Variants in PCYT1A observed in about 807,000 individuals in gnomAD.
PCYT1A encodes phosphate cytidylyltransferase 1A, choline, also known as choline-phosphate cytidylyltransferase A.
Under a neutral mutation model 43.7 loss-of-function variants are expected in PCYT1A, and 25 were observed. The observed-to-expected ratio is 0.57, with a 90% CI of 0.42 to 0.80. PCYT1A has a LOEUF of 0.80. Ranked by LOEUF, PCYT1A falls within the 30% of genes least tolerant of loss-of-function variation. The pLI is 0.00. For missense variants in PCYT1A, 421 were observed against 474.2 expected, an observed-to-expected ratio of 0.89 and a Z score of 1.04; for synonymous variants, 172 against 170.7, an observed-to-expected ratio of 1.01 and a Z score of -0.06.
chr3:196,246,404 T>TC (rs900595080), intron 5 of PCYT1A, among the ~76,000 whole-genome samples: 1 of 151,862 alleles, frequency 6.6e-6, no homozygotes, highest in African/African-American at 2.4e-5. Context: ...CCTGTGGCTT[T>TC]TTTTTTTTTA....
At chr3:196,258,142 C>T (rs1193339037) in intron 2 of PCYT1A, among the ~76,000 whole-genome samples, 2 of 151,846 alleles carry the variant, frequency 1.3e-5, no homozygotes, top group African/African-American at 4.8e-5. Context: ...GAAAATTAGC[C>T]TGGTGTGGTG....
intron 1 of PCYT1A, among the ~76,000 whole-genome samples, chr3:196,275,741 G>GAA (rs200596797): frequency 7.1e-5 from 10 of 140,388 alleles, no homozygotes; most frequent in East Asian, 6.0e-4. Flanking sequence ...CAACAAAAAA[G>GAA]AAAAAAAAAA....
chr3:196,244,263 G>A (rs545448953), intron 5 of PCYT1A, among the ~76,000 whole-genome samples: 1,717 of 142,050 alleles, frequency 0.012, 23 homozygotes, highest in African/African-American at 0.044. Flanking sequence ...CTGCCTGGCC[G>A]CCCATCGTCT....
intron 1 of PCYT1A, among the ~76,000 whole-genome samples, chr3:196,284,798 A>C (rs1725859736): frequency 6.6e-6 from 1 of 152,248 alleles, no homozygotes; most frequent in South Asian, 2.1e-4. Context: ...TTCAGCAAAG[A>C]AAAAAGACCC....
At chr3:196,243,868 T>G (rs1724452558) in intron 5 of PCYT1A, among the ~76,000 whole-genome samples, 1 of 152,234 alleles carries the variant, frequency 6.6e-6, no homozygotes. Flanking sequence ...TGCAGTGGCG[T>G]GATCTCGGCT....
At position 196,242,246 on chromosome 3, in the gene PCYT1A, T is replaced by C; in HGVS notation, c.566-156A>G. On this transcript the variant is annotated intron_variant, in intron 6 of 8. Transcript: ENST00000431016. The surrounding 1 kb of genome is among the most constrained non-coding windows in gnomAD (Gnocchi z 4.2). ...CTGAAAGATACTGATATACAGAAGG[T>C]AGACCGAATCAAAGGCCAGAGGTAA... The C allele has an allele frequency of 1.4e-6, 1 of 731,304 alleles. No individual in the cohort carries two copies. The highest frequency in any genetic ancestry group is 2.4e-5 in the Admixed American group (1 of 41,558). The allele number at this position is 731,304 out of a possible 1,614,324, so 45.3% of individuals were successfully genotyped here.
At chr3:196,241,746 C>A in intron 7 of PCYT1A, 1 of 1,268,404 alleles carries the variant, frequency 7.9e-7, no homozygotes, top group Non-Finnish European at 1.1e-6. Flanking sequence ...TGGCTTTATA[C>A]GAATGTGTTG....
At chr3:196,284,001 A>G (rs550637899) in intron 1 of PCYT1A, among the ~76,000 whole-genome samples, 22 of 152,352 alleles carry the variant, frequency 1.4e-4, no homozygotes, top group Admixed American at 1.4e-3. Context: ...CCAAGAAAAA[A>G]ATGACTTTTA....
chr3:196,268,532 C>A lies in PCYT1A; in HGVS notation c.117+1883G>T, dbSNP rs928983722. 6.6e-6 allele frequency among the ~76,000 whole-genome samples: 1 copy of A among 152,118 alleles called. No homozygotes were observed. The highest frequency in any genetic ancestry group is 1.5e-5 in the Non-Finnish European group (1 of 68,008). On this transcript the variant is annotated intron_variant, in intron 2 of 8. Coordinates refer to ENST00000431016, the MANE Select transcript of PCYT1A (RefSeq NM_001312673.2). The surrounding 1 kb of genome is among the most constrained non-coding windows in gnomAD (Gnocchi z 4.4). ...GGCACAGTGGCTCACGCCTGGTAAT[C>A]CTAGCACTCTGGGAGGCCGAGATAG...
At chr3:196,251,112 T>C (rs1487017121) in intron 3 of PCYT1A, among the ~76,000 whole-genome samples, 119 of 129,558 alleles carry the variant, frequency 9.2e-4, no homozygotes, top group African/African-American at 3.0e-3. Flanking sequence ...AGGCTGAGGA[T>C]CAGATACACC....
At chr3:196,250,025 A>G (rs1052805552) in intron 3 of PCYT1A, among the ~76,000 whole-genome samples, 26 of 140,536 alleles carry the variant, frequency 1.9e-4, no homozygotes, top group South Asian at 4.7e-4. Flanking sequence ...TGAGGACCAG[A>G]TACACCATGC....
Position 196,236,929 on chromosome 3 carries a change from A to C in PCYT1A, c.*1759T>G, listed in dbSNP as rs527250786. 1.3e-5 allele frequency: 2 copies of C among 152,324 alleles called. No homozygotes were observed. The highest frequency in any genetic ancestry group is 4.1e-4 in the South Asian group (2 of 4,824). The allele number at this position is 152,324 out of a possible 1,614,324, so 9.4% of individuals were successfully genotyped here. A position where few individuals can be genotyped will look rare whatever the true frequency, so the allele number is the denominator to read the frequency against. ...TGATCCACCAGCCTCAGTCTCCCAA[A>C]GTGCTGAGATGACAGGCGTGAGCCA... On this transcript the variant is annotated 3_prime_UTR_variant, in exon 9 of 9. Transcript: ENST00000431016.
At chr3:196,241,818 G>A (rs778355794) in intron 7 of PCYT1A, 130 bp downstream of exon 7, 17 of 1,219,928 alleles carry the variant, frequency 1.4e-5, no homozygotes, top group Admixed American at 1.9e-5. Flanking sequence ...TTAACATAGT[G>A]GTAATTCATT....
chr3:196,241,482 TA>T (rs775585597), intron 7 of PCYT1A: 62 of 1,284,108 alleles, frequency 4.8e-5, no homozygotes, highest in Non-Finnish European at 6.1e-5. Flanking sequence ...CCCAGAAAAA[TA>T]TATAGAGTTT....
rs957398600 is a variant in PCYT1A, at chr3:196,240,917, T to C, written c.708+1031A>G. 2.0e-5 allele frequency: 3 copies of C among 152,128 alleles called. No homozygotes were observed. In the East Asian group the frequency reaches 5.8e-4, roughly 29 times the overall value. The allele number at this position is 152,128 out of a possible 1,614,324, so 9.4% of individuals were successfully genotyped here. On this transcript the variant is annotated intron_variant, in intron 7 of 8. Transcript: ENST00000431016. The stretch of plus-strand genomic sequence containing the variant: ...GATGGGAGTAGGTCAGGGAGCATGG[T>C]AAACTGGTTATGTAGAAGACATTAA...
intron 2 of PCYT1A, chr3:196,267,360 G>C (rs1233879905): frequency 6.6e-6 from 3 of 455,418 alleles, no homozygotes; most frequent in Non-Finnish European, 1.3e-5. Context: ...CCAGAGGCTG[G>C]AGAGACTGGG....
intron 1 of PCYT1A, among the ~76,000 whole-genome samples, chr3:196,280,570 G>GTTTTTTTTTTTTTTTTTTTTT: frequency 2.8e-4 from 26 of 91,340 alleles, no homozygotes; most frequent in East Asian, 9.6e-4. Context: ...TATTTTTATT[G>GTTTTTTTTTTTTTTTTTTTTT]TTTTTTTTTT....
In PCYT1A at chr3:196,268,785, A is replaced by G. The variant is rs2108777111; in HGVS notation, c.117+1630T>C. Among the ~76,000 whole-genome samples the G allele has an allele frequency of 6.6e-6, 1 of 152,252 alleles. No individual in the cohort carries two copies. Among genetic ancestry groups the G allele is most frequent in the South Asian group, 2.1e-4 (1 of 4,826 alleles). On this transcript the variant is annotated intron_variant, in intron 2 of 8. Transcript: ENST00000431016. The surrounding 1 kb of genome is among the most constrained non-coding windows in gnomAD (Gnocchi z 4.4). ...ACTCCAGCCTGGGTGACAAAGCGAG[A>G]CTCTGTCTCAAAAATACAAATAAAA... is the stretch of plus-strand genomic sequence containing the variant.
Position 196,257,874 on chromosome 3 carries a change from G to A in PCYT1A, c.131C>T (p.Pro44Leu). ...TTCAATTTCATCAGAAAAAGGAGCTGGTTGCCGTAAGCCCTTAAGAAATGG... is the reference window on the plus strand; with the variant it reads ...TTCAATTTCATCAGAAAAAGGAGCTAGTTGCCGTAAGCCCTTAAGAAATGG... ...VQRCAVGLRQ[P>L]APFSDEIEVD... Residue 44 changes from proline to leucine, a missense_variant, in exon 3 of 9, where the codon CCA becomes CTA. Physicochemically the swap from Pro to Leu is moderately conservative, Grantham distance 98. Coordinates refer to ENST00000431016, the MANE Select transcript of PCYT1A (RefSeq NM_001312673.2). The A allele has an allele frequency of 1.2e-6, 2 of 1,611,848 alleles. No homozygotes were observed. Among genetic ancestry groups the A allele is most frequent in the Non-Finnish European group, 1.7e-6 (2 of 1,178,244 alleles).
Sources: gnomAD v4.1 joint callset for allele counts (sites outside exome capture counted in the v4.1 genomes callset) on GRCh38, gnomAD v4.1.1 for gene constraint, Gnocchi (gnomAD v3.1) non-coding constraint, MANE v1.5 for transcripts, NCBI Gene and HGNC (gene_info 2026-07-23, HGNC 2026-07-21) for gene names.